FARS2: variants seen among roughly 807,000 people sequenced by gnomAD.
FARS2 encodes phenylalanyl-tRNA synthetase 2, mitochondrial.
FARS2 carries 40 observed loss-of-function variants against 46.4 expected under a neutral mutation model. The observed-to-expected ratio is 0.86, with a 90% CI of 0.67 to 1.12. FARS2 has a LOEUF of 1.12. Ranked by LOEUF, FARS2 falls within the 50% of genes most tolerant of loss-of-function variation. FARS2 has a pLI of 0.00. For synonymous variants in FARS2, 234 were observed against 214.9 expected, an observed-to-expected ratio of 1.09 and a Z score of -0.78; for missense variants, 513 against 567.9, an observed-to-expected ratio of 0.90 and a Z score of 0.98.
chr6:5,569,656 A>G (rs1772526000), intron 5 of FARS2, among the ~76,000 whole-genome samples: 1 of 152,200 alleles, frequency 6.6e-6, no homozygotes, highest in Admixed American at 6.5e-5. Flanking sequence ...GGCTGGCCCA[A>G]GTGACAACTC....
intron 6 of FARS2, among the ~76,000 whole-genome samples, chr6:5,715,312 C>T (rs1293857980): frequency 6.6e-6 from 1 of 152,178 alleles, no homozygotes; most frequent in African/African-American, 2.4e-5. Context: ...TGCCCACACC[C>T]TCCCCAGCAT....
At chr6:5,392,202 T>C (rs1173035345) in intron 2 of FARS2, among the ~76,000 whole-genome samples, 1 of 152,198 alleles carries the variant, frequency 6.6e-6, no homozygotes, top group African/African-American at 2.4e-5. Context: ...TTTCTGAGTT[T>C]CCTATCCTTA....
At chr6:5,404,773 T>G (rs1312068973) in intron 3 of FARS2, 72 bp downstream of exon 3, 15 of 691,122 alleles carry the variant, frequency 2.2e-5, no homozygotes, top group East Asian at 5.5e-5. Flanking sequence ...GGATTTGGGT[T>G]TTTTTTTTTT....
At chr6:5,487,794 C>T (rs944027074) in intron 4 of FARS2, among the ~76,000 whole-genome samples, 6 of 152,096 alleles carry the variant, frequency 3.9e-5, no homozygotes, top group Admixed American at 3.3e-4. Flanking sequence ...ATTGACATAC[C>T]GTGGTTTTTT....
At chr6:5,329,903 A>T (rs1341850123) in intron 1 of FARS2, among the ~76,000 whole-genome samples, 1 of 152,216 alleles carries the variant, frequency 6.6e-6, no homozygotes, top group African/African-American at 2.4e-5. Context: ...TTACATCGAC[A>T]TGATAGATTA....
At chr6:5,281,216 G>A (rs9328292) in intron 1 of FARS2, among the ~76,000 whole-genome samples, 79,404 of 151,964 alleles carry the variant, frequency 0.52, 21,147 homozygotes, top group East Asian at 0.84. Context: ...AGCAGATTAA[G>A]CCTTAATAAT....
At chr6:5,358,393 T>C (rs560776971) in intron 1 of FARS2, among the ~76,000 whole-genome samples, 8 of 152,246 alleles carry the variant, frequency 5.3e-5, no homozygotes, top group African/African-American at 1.9e-4. Flanking sequence ...AAATATGGAA[T>C]ATGTAGAGCT....
intron 1 of FARS2, among the ~76,000 whole-genome samples, chr6:5,345,488 A>G (rs184407608): frequency 6.6e-6 from 1 of 152,336 alleles, no homozygotes; most frequent in East Asian, 1.9e-4. Context: ...TGATTACAGC[A>G]AAAGTTCAGT....
intron 4 of FARS2, among the ~76,000 whole-genome samples, chr6:5,518,785 A>G (rs1768964239): frequency 6.6e-6 from 1 of 152,178 alleles, no homozygotes; most frequent in Non-Finnish European, 1.5e-5. Context: ...ATTATATAAC[A>G]TTTGTAACTA....
At chr6:5,323,704 G>C (rs915131317) in intron 1 of FARS2, among the ~76,000 whole-genome samples, 2 of 152,300 alleles carry the variant, frequency 1.3e-5, no homozygotes, top group East Asian at 3.9e-4. Context: ...AGGGAAGCTG[G>C]CTTCCTCAAG....
At chr6:5,683,499 A>G (rs1044796017) in intron 6 of FARS2, among the ~76,000 whole-genome samples, 1 of 152,126 alleles carries the variant, frequency 6.6e-6, no homozygotes, top group African/African-American at 2.4e-5. Context: ...GGGCAGGAAA[A>G]GGATTTCTAG....
intron 4 of FARS2, among the ~76,000 whole-genome samples, chr6:5,537,603 G>A (rs1483946617): frequency 1.3e-5 from 2 of 150,126 alleles, no homozygotes; most frequent in African/African-American, 2.5e-5. Flanking sequence ...GCTTCCTCTC[G>A]AGTTGGAGAT....
chr6:5,315,504 T>C (rs1294617146), intron 1 of FARS2, among the ~76,000 whole-genome samples: 3 of 152,180 alleles, frequency 2.0e-5, no homozygotes, highest in Non-Finnish European at 4.4e-5. Context: ...AAGTAAGTTT[T>C]GAAGCCAAAA....
intron 5 of FARS2, among the ~76,000 whole-genome samples, chr6:5,578,808 CAAA>C (rs56248218): frequency 0.22 from 26,778 of 124,442 alleles, 2,775 homozygotes; most frequent in East Asian, 0.41. Context: ...CACTCCGTCT[CAAA>C]AAAAAAAAAA....
chr6:5,340,319 A>G (rs1257843613), intron 1 of FARS2, among the ~76,000 whole-genome samples: 2 of 152,236 alleles, frequency 1.3e-5, no homozygotes, highest in Non-Finnish European at 2.9e-5. Context: ...GCATGTGTTC[A>G]GAAGGATGCG....
chr6:5,510,163 A>G (rs974929734), intron 4 of FARS2, among the ~76,000 whole-genome samples: 1 of 152,108 alleles, frequency 6.6e-6, no homozygotes, highest in South Asian at 2.1e-4. Flanking sequence ...TCCCTTTTCT[A>G]TTTAAACAAA....
chr6:5,572,621 C>T (rs781477961), intron 5 of FARS2, among the ~76,000 whole-genome samples: 8 of 152,118 alleles, frequency 5.3e-5, no homozygotes, highest in East Asian at 3.8e-4. Context: ...ACCCCAAGCC[C>T]GTAACAAGTA....
intron 1 of FARS2, among the ~76,000 whole-genome samples, chr6:5,329,470 T>G (rs1770640368): frequency 1.0e-5 from 1 of 97,026 alleles, no homozygotes; most frequent in Non-Finnish European, 2.3e-5. Context: ...AGTTTTTAAA[T>G]TTTTTTTATG....
intron 4 of FARS2, among the ~76,000 whole-genome samples, chr6:5,494,375 C>T (rs779343236): frequency 5.3e-5 from 8 of 152,162 alleles, no homozygotes; most frequent in Non-Finnish European, 8.8e-5. Flanking sequence ...CTCCTGTAGC[C>T]GCAGGACTGG....
Sources: allele counts gnomAD v4.1 joint callset (sites outside exome capture counted in the v4.1 genomes callset), GRCh38; gene constraint gnomAD v4.1.1; transcripts MANE v1.5; gene names NCBI Gene and HGNC (gene_info 2026-07-23, HGNC 2026-07-21).